The following JAM3 variants were observed in gnomAD, a reference collection of about 807,000 sequenced individuals.
JAM3 encodes junctional adhesion molecule 3.
In JAM3, 31 loss-of-function variants were observed where a neutral mutation model predicts 39.4. That is an observed-to-expected ratio of 0.79 (90% CI 0.59 to 1.06). The LOEUF is 1.06. JAM3 is among the 50% of genes least tolerant of loss of function. The pLI, the probability that JAM3 is intolerant of heterozygous loss-of-function variation, is 0.00. For missense variants in JAM3, 455 were observed against 391.4 expected, an observed-to-expected ratio of 1.16 and a Z score of -1.37; for synonymous variants, 182 against 148.7, an observed-to-expected ratio of 1.22 and a Z score of -1.63.
At position 134,144,778 on chromosome 11, in the gene JAM3, CT is replaced by C. The variant is rs1555120912; in HGVS notation, c.410-9del. The C allele has an allele frequency of 2.5e-6, 4 of 1,610,928 alleles. No individual in the cohort carries two copies. The highest frequency in any genetic ancestry group is 2.2e-5 in the East Asian group (1 of 44,840). Reference sequence around the variant, plus strand: ...GTCACTGAGATCTTAAACACCACCCCTTTTTCCCCACAGTGAAGCCAGTGAC... The same window carrying C: ...GTCACTGAGATCTTAAACACCACCCCTTTTCCCCACAGTGAAGCCAGTGAC... On this transcript the variant is annotated splice_polypyrimidine_tract_variant and intron_variant, in intron 4 of 8. Coordinates refer to ENST00000299106, the MANE Select transcript of JAM3 (RefSeq NM_032801.5).
Position 134,121,960 on chromosome 11 carries a change from G to A in JAM3, c.77-17891G>A, listed in dbSNP as rs11827327. ...TCTACCTTAGCTTAGCACGTGTGCT[G>A]TTTTGATCTTGAGTCTATATTAATG... On this transcript the variant is annotated intron_variant, in intron 1 of 8. Transcript: ENST00000299106. Among the ~76,000 whole-genome samples the A allele has an allele frequency of 8.0e-3, 1,224 of 152,240 alleles. 11 individuals are homozygous for A. The highest frequency in any genetic ancestry group is 0.028 in the African/African-American group (1,148 of 41,536).
intron 1 of JAM3, among the ~76,000 whole-genome samples, chr11:134,134,348 A>G (rs892090912): frequency 6.7e-6 from 1 of 149,342 alleles, no homozygotes; most frequent in Non-Finnish European, 1.5e-5. Flanking sequence ...AATGCCAGAC[A>G]CTAAACCACA....
At chr11:134,116,077 C>T (rs1030325796) in intron 1 of JAM3, among the ~76,000 whole-genome samples, 8 of 152,046 alleles carry the variant, frequency 5.3e-5, no homozygotes, top group Non-Finnish European at 1.2e-4. Flanking sequence ...GTTTCTTTTT[C>T]CCTTTCTATT....
rs373395282 is a variant in JAM3, at chr11:134,084,752, C to T, written c.76+15593C>T. 1.5e-4 allele frequency among the ~76,000 whole-genome samples: 23 copies of T among 152,306 alleles called. No homozygotes were observed. The South Asian group carries it at 4.8e-3, about 32-fold the overall frequency. On this transcript the variant is annotated intron_variant, in intron 1 of 8. Transcript: ENST00000299106. ...GAGCCCCTCGCTTACAAAGGAACCA[C>T]TTACAAGGCCCTGGATTTCACCTAG...
chr11:134,093,913 A>G (rs1239729384), intron 1 of JAM3, among the ~76,000 whole-genome samples: 1 of 116,536 alleles, frequency 8.6e-6, no homozygotes, highest in African/African-American at 3.6e-5. Flanking sequence ...CTTACATGTC[A>G]CTTCCTGAGG....
At chr11:134,114,828 G>A (rs138450911) in intron 1 of JAM3, among the ~76,000 whole-genome samples, 1 of 152,216 alleles carries the variant, frequency 6.6e-6, no homozygotes, top group East Asian at 1.9e-4. Flanking sequence ...TGCTGTCTTT[G>A]GGTTAGGTGT....
intron 1 of JAM3, among the ~76,000 whole-genome samples, chr11:134,077,611 G>A (rs533819886): frequency 1.3e-3 from 192 of 147,136 alleles, no homozygotes; most frequent in African/African-American, 4.8e-3. Flanking sequence ...TGATCCACTC[G>A]CCTCAGCCTC....
intron 2 of JAM3, among the ~76,000 whole-genome samples, 159 bp from the exon 3 acceptor site, chr11:134,140,498 G>A (rs1459793941): frequency 6.6e-6 from 1 of 151,930 alleles, no homozygotes; most frequent in Non-Finnish European, 1.5e-5. Flanking sequence ...TGTTTTTCTG[G>A]CAAAAAATCC....
Position 134,144,804 on chromosome 11 carries a change from C to A in JAM3, c.422C>A (p.Thr141Asn), listed in dbSNP as rs199624537. Reference sequence around the variant, plus strand: ...TTTTTCCCCACAGTGAAGCCAGTGACCCCTGTCTGTAGAGTGCCGAAGGCT... The same window carrying A: ...TTTTTCCCCACAGTGAAGCCAGTGAACCCTGTCTGTAGAGTGCCGAAGGCT... ...IELTVQVKPV[T>N]PVCRVPKAVP... Residue 141 changes from threonine (T) to asparagine (N), a missense_variant, in exon 5 of 9, where the codon ACC (threonine) becomes AAC (asparagine). Physicochemically the swap from Thr to Asn is moderately conservative, Grantham distance 65 (BLOSUM62 0). Coordinates refer to ENST00000299106, the MANE Select transcript of JAM3 (RefSeq NM_032801.5). The A allele has an allele frequency of 1.9e-6, 3 of 1,614,058 alleles. No individual in the cohort carries two copies. The highest frequency in any genetic ancestry group is 2.7e-5 in the African/African-American group (2 of 75,016).
chr11:134,142,817 C>G (rs947296090), intron 3 of JAM3, among the ~76,000 whole-genome samples: 30 of 152,246 alleles, frequency 2.0e-4, no homozygotes, highest in African/African-American at 7.2e-4. Flanking sequence ...CTTTCTGTCT[C>G]TGTGGATTTG....
rs1028399891 is a variant in JAM3 at position 134,086,579 on chromosome 11, A to G, written c.76+17420A>G. Among the ~76,000 whole-genome samples, 3 of 152,196 alleles carry G rather than the reference A, an allele frequency of 2.0e-5. No homozygotes were observed. The South Asian group carries it at 6.2e-4, about 32-fold the overall frequency. The stretch of plus-strand genomic sequence containing the variant: ...CTGAACTAGGAAACTTTGAATAATA[A>G]GAGGTTTTAGTGGAAATTCCAGCAT... On this transcript the variant is annotated intron_variant, in intron 1 of 8. Transcript: ENST00000299106.
At chr11:134,124,309 CA>C in intron 1 of JAM3, 1 of 825,826 alleles carries the variant, frequency 1.2e-6, no homozygotes, top group South Asian at 1.3e-5. Context: ...GAAATCTCCA[CA>C]GGGGCTGGAC....
intron 1 of JAM3, among the ~76,000 whole-genome samples, chr11:134,118,884 G>T (rs625740): frequency 1.3e-5 from 2 of 151,622 alleles, no homozygotes; most frequent in Admixed American, 6.6e-5. Context: ...CCGTTTCTTC[G>T]AACACTTCTA....
intron 1 of JAM3, among the ~76,000 whole-genome samples, chr11:134,115,130 A>T (rs770914786): frequency 6.6e-6 from 1 of 152,186 alleles, no homozygotes; most frequent in African/African-American, 2.4e-5. Flanking sequence ...TATCATTATG[A>T]ACTAACCTTT....
chr11:134,108,130 A>G (rs1398497977), intron 1 of JAM3, among the ~76,000 whole-genome samples: 2 of 152,144 alleles, frequency 1.3e-5, no homozygotes, highest in East Asian at 1.9e-4. Flanking sequence ...CTATAAACAC[A>G]TTAAAAGAAT....
At chr11:134,109,031 A>C (rs1011751478) in intron 1 of JAM3, among the ~76,000 whole-genome samples, 1 of 152,148 alleles carries the variant, frequency 6.6e-6, no homozygotes, top group Non-Finnish European at 1.5e-5. Context: ...ATCTCAGCTC[A>C]CTGCAACCTC....
At chr11:134,099,064 G>A (rs1157977159) in intron 1 of JAM3, among the ~76,000 whole-genome samples, 2 of 152,106 alleles carry the variant, frequency 1.3e-5, no homozygotes, top group Admixed American at 6.5e-5. Flanking sequence ...GCCATGTGTG[G>A]TGGTGCATGC....
At chr11:134,071,611 A>G (rs1219682273) in intron 1 of JAM3, among the ~76,000 whole-genome samples, 1 of 152,236 alleles carries the variant, frequency 6.6e-6, no homozygotes, top group Non-Finnish European at 1.5e-5. Context: ...ATTTAGAATT[A>G]AAACAGCAAC....
intron 1 of JAM3, chr11:134,070,379 G>A (rs1941468093): frequency 2.7e-6 from 1 of 372,068 alleles, no homozygotes; most frequent in Non-Finnish European, 5.3e-6. Flanking sequence ...TTAAAACACG[G>A]AGGGACTGTT....
Sources: gnomAD v4.1 joint callset for allele counts (sites outside exome capture counted in the v4.1 genomes callset) on GRCh38, gnomAD v4.1.1 for gene constraint, MANE v1.5 for transcripts, NCBI Gene and HGNC (gene_info 2026-07-23, HGNC 2026-07-21) for gene names.